Variants in FGD5 observed in about 807,000 individuals in gnomAD.
FGD5 encodes the protein FYVE, RhoGEF and PH domain-containing protein 5.
FGD5 carries 28 observed loss-of-function variants against 133.4 expected under a neutral mutation model. The observed-to-expected ratio is 0.21, with a 90% CI of 0.16 to 0.29. The LOEUF (loss-of-function observed/expected upper bound fraction) is 0.29, where lower values mean the gene tolerates loss of function less well. Among genes scored for constraint, FGD5 ranks in the 10% least tolerant of loss-of-function variants. FGD5 has a pLI of 1.00. For synonymous variants in FGD5, 810 were observed against 776.5 expected (o/e 1.04, Z -0.72); for missense variants, 1,858 against 1,895.2 (o/e 0.98, Z 0.36).
At position 14,821,383 on chromosome 3, in the gene FGD5, C is replaced by T. The variant is rs1232066517; in HGVS notation, c.2312C>T (p.Thr771Ile). ...PRSISFPSAD[T>I]SDYENIPAMN... ...TCCATCTCCTTCCCCAGCGCTGACA[C>T]TTCAGACTATGAGAACATTCCAGCC... Residue 771 changes from threonine (T) to isoleucine (I), a missense_variant, in exon 1 of 20, where the codon ACT becomes ATT. Thr to Ile is a moderately conservative substitution (Grantham distance 89, BLOSUM62 -1). This residue lies in a region of FGD5 where 1,824 missense variants were observed against 1,848.9 expected (regional missense o/e 0.99). Transcript: ENST00000285046. 1 of 1,614,028 alleles carries T rather than the reference C, an allele frequency of 6.2e-7. No individual in the cohort carries two copies. The highest frequency in any genetic ancestry group is 1.7e-5 in the Admixed American group (1 of 60,020).
At chr3:14,910,742 C>A in intron 10 of FGD5, 119 bp from the exon 11 acceptor site, 1 of 798,904 alleles carries the variant, frequency 1.3e-6, no homozygotes, top group South Asian at 1.7e-5. Context: ...ACTCAGGGGC[C>A]TCCCCTGCAC....
chr3:14,897,985 G>A lies in FGD5; in HGVS notation c.2956G>A (p.Gly986Arg), dbSNP rs921463763. 11 of 1,613,832 alleles carry A rather than the reference G, an allele frequency of 6.8e-6. No homozygotes were observed. In the African/African-American group the frequency reaches 1.5e-4, roughly 22 times the overall value. Residue 986 changes from glycine to arginine, a missense_variant, in exon 6 of 20, where the codon GGG becomes AGG. Coordinates refer to ENST00000285046, the MANE Select transcript of FGD5 (RefSeq NM_152536.4). ...TGACGTCTTCCTGGCCCGGGAGCAG[G>A]GGTTTGATCACCACGCCACTCACAT... ...VADVFLAREQ[G>R]FDHHATHILQ... is the part of the protein sequence containing the mutation.
intron 1 of FGD5, among the ~76,000 whole-genome samples, chr3:14,840,891 T>G (rs1428924057): frequency 6.6e-6 from 1 of 152,198 alleles, no homozygotes. Context: ...TAACTGTGTA[T>G]TATAAATGCC....
chr3:14,912,811 CG>C (rs1559503565), intron 11 of FGD5, among the ~76,000 whole-genome samples: 1 of 152,034 alleles, frequency 6.6e-6, no homozygotes, highest in Non-Finnish European at 1.5e-5. Context: ...CCGAGGCAGG[CG>C]GGTCACAAGG....
Position 14,819,683 on chromosome 3 carries a change from G to C in FGD5, c.612G>C (p.Gln204His), listed in dbSNP as rs73814183. 14,384 of 1,542,098 alleles carry C rather than the reference G, an allele frequency of 9.3e-3. 1,073 individuals are homozygous for C. The African/African-American group carries it at 0.16, about 18-fold the overall frequency. The change falls in exon 1 of 20, where the codon CAG becomes CAC. Residue 204 changes from glutamine to histidine, a missense_variant. By Grantham distance (24) the Gln-to-His change is conservative. Coordinates refer to ENST00000285046, the MANE Select transcript of FGD5 (RefSeq NM_152536.4). This position sits in a 1 kb window ranked among gnomAD's most constrained non-coding sequence, Gnocchi z 4.1. ...LLLPHIHGED[Q>H]EPPDTPGEAE... ...TGCCTCACATCCATGGAGAGGACCA[G>C]GAGCCCCCCGACACCCCCGGGGAGG...
At chr3:14,852,611 AAAGC>A (rs1329231732) in intron 1 of FGD5, among the ~76,000 whole-genome samples, 50 of 152,348 alleles carry the variant, frequency 3.3e-4, no homozygotes, top group Admixed American at 3.1e-3. Flanking sequence ...TTATAAAAAG[AAAGC>A]AAACCCCTCT....
intron 6 of FGD5, among the ~76,000 whole-genome samples, chr3:14,898,403 T>G (rs1575241659): frequency 6.6e-6 from 1 of 152,068 alleles, no homozygotes; most frequent in Non-Finnish European, 1.5e-5. Context: ...TCAAGGAAAT[T>G]CCCAACACTA....
intron 1 of FGD5, among the ~76,000 whole-genome samples, chr3:14,822,765 T>C (rs529440431): frequency 6.6e-6 from 1 of 152,202 alleles, no homozygotes; most frequent in Non-Finnish European, 1.5e-5. Context: ...AAAGAAACCC[T>C]CTGATTCTTT....
intron 2 of FGD5, among the ~76,000 whole-genome samples, chr3:14,866,566 C>G (rs1241410486): frequency 6.6e-6 from 1 of 152,140 alleles, no homozygotes; most frequent in African/African-American, 2.4e-5. Flanking sequence ...ACTTCCTGAC[C>G]ACTCTGCTCG....
At chr3:14,840,174 G>A (rs912124866) in intron 1 of FGD5, among the ~76,000 whole-genome samples, 7 of 148,772 alleles carry the variant, frequency 4.7e-5, no homozygotes, top group Non-Finnish European at 7.4e-5. Flanking sequence ...ATGGAATCTC[G>A]CTCTGTTGCC....
chr3:14,838,716 A>G (rs1265975850), intron 1 of FGD5, among the ~76,000 whole-genome samples: 2 of 152,206 alleles, frequency 1.3e-5, no homozygotes, highest in Admixed American at 1.3e-4. Flanking sequence ...GACCCTGGGA[A>G]GCTAAAGAAA....
At chr3:14,903,255 CAATGTTTAAAAGCAATGTT>C (rs896676587) in intron 9 of FGD5, among the ~76,000 whole-genome samples, 1 of 152,136 alleles carries the variant, frequency 6.6e-6, no homozygotes, top group African/African-American at 2.4e-5. Context: ...TTTTTTAAAA[CAATGTTTAAAAGCAATGTT>C]AAATTTACAG....
chr3:14,852,233 C>T (rs568047232), intron 1 of FGD5, among the ~76,000 whole-genome samples: 1 of 152,276 alleles, frequency 6.6e-6, no homozygotes, highest in African/African-American at 2.4e-5. Context: ...ATGATCTGTC[C>T]ATACTGTGGA....
At chr3:14,878,732 T>TC (rs2125116303) in intron 2 of FGD5, among the ~76,000 whole-genome samples, 1 of 151,762 alleles carries the variant, frequency 6.6e-6, no homozygotes, top group African/African-American at 2.4e-5. Context: ...ATGCTTTTTT[T>TC]TTTTTTTTTT....
chr3:14,872,464 G>T (rs2037630934), intron 2 of FGD5, among the ~76,000 whole-genome samples: 1 of 152,170 alleles, frequency 6.6e-6, no homozygotes, highest in Admixed American at 6.5e-5. Context: ...TTTAGCAGGT[G>T]CTCAAAGCAG....
chr3:14,926,348 G>T (rs1044385932), intron 18 of FGD5, 150 bp downstream of exon 18: 22 of 970,378 alleles, frequency 2.3e-5, no homozygotes, highest in South Asian at 1.0e-4. Context: ...GCAATGCCAT[G>T]TGCTCAATGT....
chr3:14,882,395 G>A, intron 4 of FGD5: 1 of 973,924 alleles, frequency 1.0e-6, no homozygotes. Flanking sequence ...TGAAGGGAGA[G>A]CCCATAAAAG....
intron 1 of FGD5, among the ~76,000 whole-genome samples, chr3:14,854,312 A>ACATGCC (rs1232526679): frequency 6.6e-6 from 1 of 152,162 alleles, no homozygotes; most frequent in Non-Finnish European, 1.5e-5. Context: ...TGTAATGACC[A>ACATGCC]CATGCCCAGA....
At chr3:14,893,820 C>T (rs1308009200) in intron 4 of FGD5, among the ~76,000 whole-genome samples, 2 of 126,316 alleles carry the variant, frequency 1.6e-5, no homozygotes, top group Non-Finnish European at 3.1e-5. Flanking sequence ...AGTGGCCATG[C>T]AATCTCAGCT....
Sources: allele counts gnomAD v4.1 joint callset (sites outside exome capture counted in the v4.1 genomes callset), GRCh38; gene constraint gnomAD v4.1.1; regional missense constraint gnomAD v4.1.1; non-coding constraint Gnocchi (gnomAD v3.1); transcripts MANE v1.5; gene names NCBI Gene and HGNC (gene_info 2026-07-23, HGNC 2026-07-21).